CCDC170: variants seen among roughly 807,000 people sequenced by gnomAD.
The protein encoded by CCDC170 is coiled-coil domain-containing protein 170.
Under a neutral mutation model 72.6 loss-of-function variants are expected in CCDC170, and 69 were observed. The observed-to-expected ratio is 0.95, with a 90% confidence interval of 0.78 to 1.16. The LOEUF (loss-of-function observed/expected upper bound fraction) is 1.16, where lower values mean the gene tolerates loss of function less well. CCDC170 is among the 50% of genes most tolerant of loss of function. The pLI is 0.00. For synonymous variants in CCDC170, 300 were observed against 303.9 expected (o/e 0.99, Z 0.13); for missense variants, 852 against 832.5 (o/e 1.02, Z -0.29).
At position 151,577,246 on chromosome 6, in the gene CCDC170, A is replaced by G. The variant is rs554651136; in HGVS notation, c.1092+3755A>G. 5.9e-5 allele frequency among the ~76,000 whole-genome samples: 9 copies of G among 151,868 alleles called. No individual in the cohort carries two copies. In the East Asian group the frequency reaches 1.6e-3, roughly 26 times the overall value. On this transcript the variant is annotated intron_variant, in intron 6 of 10. Transcript: ENST00000239374. ...TCCTTGGCCTCTACCCGCTAGTAGC[A>G]CTCCCCTTCCCAGTTTGTGACAACC... is the stretch of plus-strand genomic sequence containing the variant.
chr6:151,511,911 G>T lies in CCDC170; in HGVS notation c.57+17726G>T, dbSNP rs79278999. ...CACCCAGACTGGACTGCGGTGGCACGATCAGAGCTCTTTGCAGCCTCGATT... is the reference window on the plus strand; with the variant it reads ...CACCCAGACTGGACTGCGGTGGCACTATCAGAGCTCTTTGCAGCCTCGATT... On this transcript the variant is annotated intron_variant, in intron 1 of 10. Transcript: ENST00000239374. Among the ~76,000 whole-genome samples the T allele has an allele frequency of 9.4e-3, 1,430 of 152,150 alleles. 28 individuals carry two copies. Among genetic ancestry groups the T allele is most frequent in the African/African-American group, 0.032 (1,345 of 41,500 alleles).
chr6:151,513,936 A>G lies in CCDC170; in HGVS notation c.57+19751A>G, dbSNP rs1201639392. ...CCCTGTCTCAAAAAAAAAAAAAAAAAAAAGAAAAAAGAAATGCATCAAAAT... is the reference window on the plus strand; with the variant it reads ...CCCTGTCTCAAAAAAAAAAAAAAAAGAAAGAAAAAAGAAATGCATCAAAAT... On this transcript the variant is annotated intron_variant, in intron 1 of 10. Transcript: ENST00000239374. 4.6e-5 allele frequency among the ~76,000 whole-genome samples: 7 copies of G among 151,076 alleles called. No individual in the cohort carries two copies. In the South Asian group the frequency reaches 8.3e-4, roughly 18 times the overall value.
chr6:151,547,001 A>G (rs1462160981), intron 4 of CCDC170, among the ~76,000 whole-genome samples: 1 of 151,366 alleles, frequency 6.6e-6, no homozygotes, highest in African/African-American at 2.4e-5. Context: ...TAAGAAGAAA[A>G]AAAAAAAAAA....
intron 9 of CCDC170, among the ~76,000 whole-genome samples, chr6:151,600,996 T>A: frequency 6.6e-6 from 1 of 152,228 alleles, no homozygotes; most frequent in East Asian, 1.9e-4. Flanking sequence ...ATATAATACG[T>A]GGCCTTTGTC....
intron 5 of CCDC170, among the ~76,000 whole-genome samples, chr6:151,549,518 A>G (rs1782841642): frequency 6.6e-6 from 1 of 152,184 alleles, no homozygotes; most frequent in Non-Finnish European, 1.5e-5. Context: ...ATATGGTGAA[A>G]CATGTTCCCC....
In CCDC170 at chr6:151,599,779, C is replaced by T. The variant is rs111555399; in HGVS notation, c.1710+3202C>T. 2.4e-4 allele frequency among the ~76,000 whole-genome samples: 36 copies of T among 152,050 alleles called. No individual in the cohort carries two copies. In the East Asian group the frequency reaches 5.8e-3, roughly 24 times the overall value. ...GGAAAATCTGTGAGTCAAGCATGTG[C>T]GGATCATGGTGGTAGTGGGTGAGGG... On this transcript the variant is annotated intron_variant, in intron 9 of 10. Transcript: ENST00000239374.
At chr6:151,593,402 G>T in intron 8 of CCDC170, 122 bp downstream of exon 8, 1 of 1,047,922 alleles carries the variant, frequency 9.5e-7, no homozygotes, top group South Asian at 1.7e-5. Context: ...ATAAAAATAT[G>T]TATTTAGAAT....
rs58296977 is a variant in CCDC170 at position 151,509,210 on chromosome 6, CTATCTATCTATG to C, written c.57+15037_57+15048del. On this transcript the variant is annotated intron_variant, in intron 1 of 10. Transcript: ENST00000239374. ...CCCCCTTTCGCTCTCTCTGTCTCAT[CTATCTATCTATG>C]TATCTATCTATCTATCTATCTATCT... is the stretch of plus-strand genomic sequence containing the variant. 6.3e-3 allele frequency among the ~76,000 whole-genome samples: 777 copies of C among 123,720 alleles called. 8 individuals carry two copies. Among genetic ancestry groups the C allele is most frequent in the African/African-American group, 0.018 (441 of 24,882 alleles). The allele number at this position is 123,720 out of a possible 152,430, so 81.2% of individuals were successfully genotyped here. A position where few individuals can be genotyped will look rare whatever the true frequency, so the allele number is the denominator to read the frequency against.
intron 3 of CCDC170, 68 bp downstream of exon 3, chr6:151,538,369 T>C: frequency 6.9e-7 from 1 of 1,452,728 alleles, no homozygotes; most frequent in South Asian, 1.3e-5. Flanking sequence ...TAGCAAGATA[T>C]GTCTTTGAAA....
At chr6:151,497,630 A>G (rs926121656) in intron 1 of CCDC170, among the ~76,000 whole-genome samples, 1 of 152,204 alleles carries the variant, frequency 6.6e-6, no homozygotes. Flanking sequence ...GTTTACAAAC[A>G]TAGCTTTCAG....
intron 4 of CCDC170, among the ~76,000 whole-genome samples, chr6:151,546,057 C>T (rs12201408): frequency 0.082 from 12,418 of 152,154 alleles, 586 homozygotes; most frequent in Non-Finnish European, 0.11. Flanking sequence ...GGATTACAGG[C>T]GTGAGCCATC....
At chr6:151,617,408 C>CTTTTTTTTTTTTTTTTTTTTTTTTTTTTT (rs745655791) in intron 10 of CCDC170, among the ~76,000 whole-genome samples, 10 of 91,466 alleles carry the variant, frequency 1.1e-4, no homozygotes, top group Non-Finnish European at 1.7e-4. Context: ...GCTGTTTGTT[C>CTTTTTTTTTTTTTTTTTTTTTTTTTTTTT]TTTTTTTTTT....
Position 151,548,294 on chromosome 6 carries a change from T to G in CCDC170, c.589-10T>G, listed in dbSNP as rs766685257. ...TTTTTATAGGACAGCTGTAATTGCTTTCTCTTCAGCTTAGAGACCTGCGCA... is the reference window on the plus strand; with the variant it reads ...TTTTTATAGGACAGCTGTAATTGCTGTCTCTTCAGCTTAGAGACCTGCGCA... On this transcript the variant is annotated splice_polypyrimidine_tract_variant and intron_variant, in intron 4 of 10. Transcript: ENST00000239374. The G allele has an allele frequency of 2.0e-6, 3 of 1,533,854 alleles. No individual in the cohort carries two copies. The highest frequency in any genetic ancestry group is 2.0e-5 in the Admixed American group (1 of 49,534).
At chr6:151,571,493 C>T (rs1287641016) in intron 5 of CCDC170, among the ~76,000 whole-genome samples, 2 of 151,992 alleles carry the variant, frequency 1.3e-5, no homozygotes, top group Non-Finnish European at 2.9e-5. Flanking sequence ...TTTGGGAGGC[C>T]GAAGCGGGTA....
intron 9 of CCDC170, among the ~76,000 whole-genome samples, chr6:151,604,251 CCTTT>C (rs1776751983): frequency 6.6e-6 from 1 of 152,134 alleles, no homozygotes; most frequent in Non-Finnish European, 1.5e-5. Context: ...ACGAGTATAG[CCTTT>C]CTTAATTTTT....
At chr6:151,567,939 T>C (rs9478221) in intron 5 of CCDC170, among the ~76,000 whole-genome samples, 138,965 of 151,620 alleles carry the variant, frequency 0.92, 63,934 homozygotes, top group East Asian at 0.99. Flanking sequence ...GGTGAAACCC[T>C]ATCTCTACTA....
chr6:151,503,038 A>G (rs1443076212), intron 1 of CCDC170, among the ~76,000 whole-genome samples: 1 of 152,080 alleles, frequency 6.6e-6, no homozygotes, highest in African/African-American at 2.4e-5. Flanking sequence ...TTAGCTGGAC[A>G]TGGTGGTGCG....
intron 5 of CCDC170, among the ~76,000 whole-genome samples, chr6:151,562,542 G>A (rs969134599): frequency 6.6e-6 from 1 of 152,132 alleles, no homozygotes; most frequent in African/African-American, 2.4e-5. Context: ...CATGCTTGTT[G>A]AAGCTGTATT....
intron 5 of CCDC170, among the ~76,000 whole-genome samples, chr6:151,559,166 C>T (rs1261433859): frequency 6.6e-6 from 1 of 151,986 alleles, no homozygotes; most frequent in Non-Finnish European, 1.5e-5. Flanking sequence ...CACATGCCAC[C>T]ATGCCCGGCT....
Sources: gnomAD v4.1 joint callset for allele counts (sites outside exome capture counted in the v4.1 genomes callset) on GRCh38, gnomAD v4.1.1 for gene constraint, MANE v1.5 for transcripts, NCBI Gene and HGNC (gene_info 2026-07-23, HGNC 2026-07-21) for gene names.